Variants in MAP4K4 observed in about 807,000 individuals in gnomAD.
The protein encoded by MAP4K4 is mitogen-activated protein kinase kinase kinase kinase 4.
A neutral mutation model predicts 189.6 loss-of-function variants in MAP4K4; 38 were observed. The observed-to-expected ratio is 0.20, with a 90% CI of 0.15 to 0.26. MAP4K4 has a LOEUF of 0.26. Ranked by LOEUF, MAP4K4 falls within the 10% of genes least tolerant of loss-of-function variation. MAP4K4 has a pLI of 1.00. For synonymous variants in MAP4K4, 610 were observed against 624.3 expected, an observed-to-expected ratio of 0.98 and a Z score of 0.34; for missense variants, 1,054 against 1,726.9, an observed-to-expected ratio of 0.61 and a Z score of 6.91.
At chr2:101,891,441 T>C (rs2098566260) in exon 33 of MAP4K4, 12 of 537,896 alleles carry the variant, frequency 2.2e-5, no homozygotes, top group East Asian at 1.8e-4. Flanking sequence ...TCTTTTTTTT[T>C]TTCTTACTCC....
At chr2:101,855,931 A>G (rs1417342457) in intron 12 of MAP4K4, 46 bp from the exon 13 acceptor site, 17 of 1,526,900 alleles carry the variant, frequency 1.1e-5, no homozygotes, top group Non-Finnish European at 1.4e-5. Flanking sequence ...ATCATGAGAA[A>G]GATGGCGGGA....
intron 12 of MAP4K4, among the ~76,000 whole-genome samples, chr2:101,852,351 A>T (rs1173739585): frequency 6.6e-6 from 1 of 152,112 alleles, no homozygotes; most frequent in Non-Finnish European, 1.5e-5. Flanking sequence ...AAGATGTCAT[A>T]TGCTAGGTAT....
At chr2:101,873,969 T>C (rs112237717) in intron 25 of MAP4K4, 113 bp from the exon 26 acceptor site, 219 of 969,684 alleles carry the variant, frequency 2.3e-4, no homozygotes, top group Non-Finnish European at 2.7e-4. Context: ...TTTCTTCTCT[T>C]TGACAAAGTG....
chr2:101,784,693 G>A lies in MAP4K4; in HGVS notation c.124-6027G>A, dbSNP rs939887939. On this transcript the variant is annotated intron_variant, in intron 2 of 32. Transcript: ENST00000324219. Reference sequence around the variant, plus strand: ...TTATTCAAGAAGAAAAAGGCCAGGGGTTGAAAATAAGTTTTTATTATTGGT... The same window carrying A: ...TTATTCAAGAAGAAAAAGGCCAGGGATTGAAAATAAGTTTTTATTATTGGT... Among the ~76,000 whole-genome samples, 3 of 152,146 alleles carry A rather than the reference G, an allele frequency of 2.0e-5. No individual in the cohort carries two copies. In the East Asian group the frequency reaches 5.8e-4, roughly 29 times the overall value.
chr2:101,834,877 C>T (rs969889473), intron 8 of MAP4K4, among the ~76,000 whole-genome samples: 6 of 152,016 alleles, frequency 3.9e-5, no homozygotes, highest in Non-Finnish European at 5.9e-5. Flanking sequence ...ATTTTTTGTG[C>T]GTGTTAACTG....
At chr2:101,847,498 T>C (rs1014437626) in intron 12 of MAP4K4, among the ~76,000 whole-genome samples, 10 of 152,164 alleles carry the variant, frequency 6.6e-5, no homozygotes, top group Non-Finnish European at 1.2e-4. Context: ...GATAGTGATA[T>C]TGAGGAACCT....
intron 2 of MAP4K4, among the ~76,000 whole-genome samples, chr2:101,720,163 A>C (rs1369090339): frequency 6.7e-6 from 1 of 148,378 alleles, no homozygotes; most frequent in African/African-American, 2.5e-5. Context: ...TTTTTGGGGC[A>C]GTGGTGGGTA....
At chr2:101,738,493 A>T (rs2061366637) in intron 2 of MAP4K4, among the ~76,000 whole-genome samples, 1 of 152,182 alleles carries the variant, frequency 6.6e-6, no homozygotes. Flanking sequence ...TGGGTTGAAC[A>T]GAATTGATAG....
Position 101,774,115 on chromosome 2 carries a change from A to G in MAP4K4, c.124-16605A>G, listed in dbSNP as rs537535044. On this transcript the variant is annotated intron_variant, in intron 2 of 32. Transcript: ENST00000324219. ...ACTGGATCATATGGTAGCTCTATTT[A>G]TAGATTTTTAAGGAACCTCCAAATG... Among the ~76,000 whole-genome samples, 49 of 152,280 alleles carry G rather than the reference A, an allele frequency of 3.2e-4. No individual in the cohort carries two copies. In the South Asian group the frequency reaches 8.1e-3, roughly 25 times the overall value.
rs182106968 is a variant in MAP4K4, at chr2:101,839,125, G to A, written c.774-694G>A. ...TTCTTGAGATGAGTCTCAAAAAATA[G>A]GATAGGTGATAGGTAAGAGTGTCTT... On this transcript the variant is annotated intron_variant, in intron 9 of 32. Transcript: ENST00000324219. Among the ~76,000 whole-genome samples, 542 of 152,360 alleles carry A rather than the reference G, an allele frequency of 3.6e-3. 2 individuals carry two copies. The highest frequency in any genetic ancestry group is 0.012 in the African/African-American group (518 of 41,586).
intron 2 of MAP4K4, among the ~76,000 whole-genome samples, chr2:101,740,764 GAAA>G (rs143304113): frequency 6.7e-6 from 1 of 150,074 alleles, no homozygotes; most frequent in Non-Finnish European, 1.5e-5. Flanking sequence ...TATTCGCTTT[GAAA>G]AAAAAACCTT....
chr2:101,888,974 C>A (rs2098526444), intron 32 of MAP4K4, 39 bp downstream of exon 32: 2 of 1,538,114 alleles, frequency 1.3e-6, no homozygotes, highest in South Asian at 1.2e-5. Flanking sequence ...GTTGCTCTAT[C>A]TTTTAATAAT....
intron 2 of MAP4K4, among the ~76,000 whole-genome samples, chr2:101,723,516 G>A (rs2149473649): frequency 6.6e-6 from 1 of 152,310 alleles, no homozygotes; most frequent in South Asian, 2.1e-4. Context: ...TTTGTCTTCT[G>A]TTGGGTTTGG....
intron 18 of MAP4K4, among the ~76,000 whole-genome samples, chr2:101,865,357 A>G (rs1481057596): frequency 6.6e-6 from 1 of 152,192 alleles, no homozygotes; most frequent in Admixed American, 6.5e-5. Context: ...TTTTCATCTA[A>G]GGGATGTTGT....
rs554285458 is a variant in MAP4K4, at chr2:101,873,777, G to A, written c.3070+13G>A. ...GTGACATCTGTGGGTAAGTACAGTA[G>A]CAACAAGAAAGCAGCTGACAAATGG... On this transcript the variant is annotated intron_variant, in intron 25 of 32. Transcript: ENST00000324219. 9 of 1,548,966 alleles carry A rather than the reference G, an allele frequency of 5.8e-6. No individual in the cohort carries two copies. The highest frequency in any genetic ancestry group is 2.7e-5 in the African/African-American group (2 of 73,644).
intron 3 of MAP4K4, 99 bp from the exon 4 acceptor site, chr2:101,823,829 G>A (rs2096219718): frequency 9.7e-7 from 1 of 1,033,638 alleles, no homozygotes; most frequent in Non-Finnish European, 1.4e-6. Flanking sequence ...CTGGAGGATG[G>A]AGAACTTGTG....
In MAP4K4 at chr2:101,797,889, GTTT is replaced by G. The variant is rs58201235; in HGVS notation, c.180+7132_180+7134del. Among the ~76,000 whole-genome samples the G allele has an allele frequency of 1.4e-3, 74 of 52,324 alleles. 6 individuals are homozygous for G. The highest frequency in any genetic ancestry group is 0.016 in the Middle Eastern group (1 of 64). 34.3% of individuals were successfully genotyped at this position (52,324 alleles called of 152,430 possible). On this transcript the variant is annotated intron_variant, in intron 3 of 32. Transcript: ENST00000324219. ...TGAAGCTTTTTAAAACATTCTTTTA[GTTT>G]TTTTTTTTTTTTTTTTTTGGAGACC...
At chr2:101,857,544 G>C (rs1241493159) in intron 13 of MAP4K4, among the ~76,000 whole-genome samples, 1 of 152,158 alleles carries the variant, frequency 6.6e-6, no homozygotes, top group Non-Finnish European at 1.5e-5. Flanking sequence ...TGAGTTGAAA[G>C]TCAGGTTCCT....
intron 2 of MAP4K4, among the ~76,000 whole-genome samples, chr2:101,736,948 GA>G (rs1486744124): frequency 1.3e-5 from 2 of 151,984 alleles, no homozygotes; most frequent in Non-Finnish European, 2.9e-5. Context: ...TTCTCTCTTT[GA>G]CAACTCATTT....
Sources: allele counts gnomAD v4.1 joint callset (sites outside exome capture counted in the v4.1 genomes callset), GRCh38; gene constraint gnomAD v4.1.1; transcripts MANE v1.5; gene names NCBI Gene and HGNC (gene_info 2026-07-23, HGNC 2026-07-21).